Variants in C8orf34 observed in about 807,000 individuals in gnomAD.
C8orf34 encodes uncharacterized protein C8orf34.
In C8orf34, 65 loss-of-function variants were observed where a neutral mutation model predicts 68.3. That is an observed-to-expected ratio of 0.95 (90% confidence interval 0.78 to 1.17). C8orf34 has a LOEUF of 1.17. Ranked by LOEUF, C8orf34 falls within the 50% of genes most tolerant of loss-of-function variation. C8orf34 has a pLI of 0.00. For synonymous variants in C8orf34, 244 were observed against 241.2 expected, an observed-to-expected ratio of 1.01 and a Z score of -0.11; for missense variants, 664 against 655.4, an observed-to-expected ratio of 1.01 and a Z score of -0.14.
At chr8:68,790,568 G>A (rs1205404151) in intron 12 of C8orf34, among the ~76,000 whole-genome samples, 1 of 152,102 alleles carries the variant, frequency 6.6e-6, no homozygotes, top group Non-Finnish European at 1.5e-5. Context: ...AAGATATTGT[G>A]AACAATTAAA....
intron 1 of C8orf34, among the ~76,000 whole-genome samples, chr8:68,378,623 T>A (rs1807906348): frequency 6.6e-6 from 1 of 152,176 alleles, no homozygotes; most frequent in Admixed American, 6.5e-5. Context: ...AAAGCATGAA[T>A]AACAGAGCAG....
intron 3 of C8orf34, 35 bp from the exon 4 acceptor site, chr8:68,468,657 C>A: frequency 6.2e-7 from 1 of 1,603,194 alleles, no homozygotes; most frequent in South Asian, 1.1e-5. Flanking sequence ...CATTATGTAG[C>A]ATGCTTATGA....
intron 1 of C8orf34, among the ~76,000 whole-genome samples, chr8:68,396,712 C>CAAAAAAAAA (rs56946858): frequency 3.7e-4 from 7 of 18,698 alleles, no homozygotes; most frequent in Non-Finnish European, 4.1e-4. Flanking sequence ...AGCTGCTTGT[C>CAAAAAAAAA]AAAAAAAAAA....
At chr8:68,444,596 C>A (rs918098975) in intron 2 of C8orf34, among the ~76,000 whole-genome samples, 2 of 152,004 alleles carry the variant, frequency 1.3e-5, no homozygotes, top group African/African-American at 4.8e-5. Flanking sequence ...TAGCTTGGAA[C>A]TATTTGGATT....
Position 68,331,236 on chromosome 8 carries a change from TC to T in C8orf34, c.227del (p.Pro76LeufsTer36). 2.0e-6 allele frequency: 3 copies of T among 1,536,152 alleles called. No individual in the cohort carries two copies. The highest frequency in any genetic ancestry group is 2.4e-5 in the East Asian group (1 of 40,868). On this transcript the variant is annotated frameshift_variant, in exon 1 of 14. Transcript: ENST00000518698. LOFTEE classifies it high-confidence loss of function. The stretch of plus-strand genomic sequence containing the variant: ...AGCGGAGGCGCACAGCCGCGCGTTC[TC>T]CCTGCACTCTCTTCGCGGTCCCATC... ...VPSGGAQPRV[L>X]PALSSRSHLF... is the part of the protein sequence containing the mutation.
At chr8:68,533,506 C>T (rs1432496586) in intron 7 of C8orf34, 1 of 992,298 alleles carries the variant, frequency 1.0e-6, no homozygotes, top group Non-Finnish European at 1.2e-6. Flanking sequence ...TAAAATATAC[C>T]CAAAGTACAT....
At chr8:68,425,140 C>G (rs1435678799) in intron 1 of C8orf34, among the ~76,000 whole-genome samples, 1 of 152,104 alleles carries the variant, frequency 6.6e-6, no homozygotes, top group Non-Finnish European at 1.5e-5. Flanking sequence ...TCCTTAACCT[C>G]ATAAATGCAT....
chr8:68,408,567 C>G (rs557675967), intron 1 of C8orf34, among the ~76,000 whole-genome samples: 1 of 152,236 alleles, frequency 6.6e-6, no homozygotes, highest in South Asian at 2.1e-4. Context: ...TTTATACACT[C>G]ATACAACTTT....
At chr8:68,599,748 G>A (rs1391338974) in intron 7 of C8orf34, among the ~76,000 whole-genome samples, 1 of 151,996 alleles carries the variant, frequency 6.6e-6, no homozygotes, top group Non-Finnish European at 1.5e-5. Context: ...TTATTAGAGA[G>A]GATGTGAAAT....
chr8:68,674,564 T>C lies in C8orf34; in HGVS notation c.1241+34053T>C, dbSNP rs559580688. ...GAATTGATCAAGCAGAAAAAAGAAT[T>C]AGTGAGCTTGAAGGCAGGCTATTTG... On this transcript the variant is annotated intron_variant, in intron 8 of 13. Transcript: ENST00000518698. Among the ~76,000 whole-genome samples, 6 of 151,622 alleles carry C rather than the reference T, an allele frequency of 4.0e-5. No homozygotes were observed. The South Asian group carries it at 1.3e-3, about 32-fold the overall frequency.
chr8:68,437,628 G>T (rs1325432395), intron 1 of C8orf34, among the ~76,000 whole-genome samples: 1 of 152,102 alleles, frequency 6.6e-6, no homozygotes, highest in Admixed American at 6.6e-5. Context: ...AACAGTAGCA[G>T]ATGGCCTTTT....
chr8:68,520,532 G>T (rs2129661058), intron 5 of C8orf34, among the ~76,000 whole-genome samples: 1 of 152,036 alleles, frequency 6.6e-6, no homozygotes, highest in African/African-American at 2.4e-5. Context: ...CTCACTGCAA[G>T]CTCCACCTCC....
At chr8:68,669,731 C>A (rs755964355) in intron 8 of C8orf34, among the ~76,000 whole-genome samples, 4 of 152,280 alleles carry the variant, frequency 2.6e-5, no homozygotes, top group Non-Finnish European at 5.9e-5. Context: ...CCAGTCCAAT[C>A]AGCTGGTCTT....
At chr8:68,593,327 G>T (rs1200879068) in intron 7 of C8orf34, among the ~76,000 whole-genome samples, 1 of 152,010 alleles carries the variant, frequency 6.6e-6, no homozygotes, top group Non-Finnish European at 1.5e-5. Flanking sequence ...ATATGTGAAA[G>T]ATTGTACATT....
Position 68,408,969 on chromosome 8 carries a change from A to G in C8orf34, c.328-30530A>G, listed in dbSNP as rs892190391. On this transcript the variant is annotated intron_variant, in intron 1 of 13. Coordinates refer to ENST00000518698, the MANE Select transcript of C8orf34 (RefSeq NM_052958.4). ...ATACCTGGCTAATTTTTGTATTTTT[A>G]GTAGAGACGCGGTTTCACCATGTTG... Among the ~76,000 whole-genome samples, 7 of 152,034 alleles carry G rather than the reference A, an allele frequency of 4.6e-5. No homozygotes were observed. The South Asian group carries it at 1.2e-3, about 27-fold the overall frequency.
At chr8:68,656,982 T>TA (rs1263133671) in intron 8 of C8orf34, among the ~76,000 whole-genome samples, 1 of 152,196 alleles carries the variant, frequency 6.6e-6, no homozygotes, top group African/African-American at 2.4e-5. Flanking sequence ...AGAATACACA[T>TA]ATAGTGATAA....
intron 8 of C8orf34, among the ~76,000 whole-genome samples, chr8:68,664,644 G>A (rs1374444938): frequency 6.6e-6 from 1 of 152,128 alleles, no homozygotes; most frequent in Non-Finnish European, 1.5e-5. Flanking sequence ...TCACCCCATT[G>A]AACACTGAGG....
At chr8:68,593,656 T>C (rs1483141870) in intron 7 of C8orf34, among the ~76,000 whole-genome samples, 1 of 152,088 alleles carries the variant, frequency 6.6e-6, no homozygotes, top group East Asian at 1.9e-4. Flanking sequence ...TTTTGTTCAT[T>C]TACAGCTTTT....
intron 6 of C8orf34, among the ~76,000 whole-genome samples, chr8:68,530,012 C>T (rs1003129275): frequency 6.1e-4 from 92 of 151,760 alleles, no homozygotes; most frequent in African/African-American, 2.2e-3. Flanking sequence ...GCCTTAAAGC[C>T]GTAACTGTCT....
Sources: allele counts gnomAD v4.1 joint callset (sites outside exome capture counted in the v4.1 genomes callset), GRCh38; gene constraint gnomAD v4.1.1; transcripts MANE v1.5; gene names NCBI Gene and HGNC (gene_info 2026-07-23, HGNC 2026-07-21).